The following BAG4 variants were observed in gnomAD, a reference collection of about 807,000 sequenced individuals.
The protein encoded by BAG4 is BAG family molecular chaperone regulator 4.
Under a neutral mutation model 52.1 loss-of-function variants are expected in BAG4, and 28 were observed. The observed-to-expected ratio is 0.54, with a 90% CI of 0.40 to 0.74. The LOEUF (loss-of-function observed/expected upper bound fraction) is 0.74, where lower values mean the gene tolerates loss of function less well. Ranked by LOEUF, BAG4 falls within the 30% of genes least tolerant of loss-of-function variation. The pLI is 0.00. For synonymous variants in BAG4, 208 were observed against 217.0 expected (o/e 0.96, Z 0.37); for missense variants, 525 against 572.0 (o/e 0.92, Z 0.84).
At chr8:38,177,274 T>G in intron 1 of BAG4, 135 bp downstream of exon 1, 1 of 1,212,624 alleles carries the variant, frequency 8.2e-7, no homozygotes, top group Non-Finnish European at 1.1e-6. Flanking sequence ...AGACCGAGAC[T>G]AAGATCAGAG....
At chr8:38,192,141 CT>C (rs1049542836) in intron 1 of BAG4, among the ~76,000 whole-genome samples, 2 of 152,170 alleles carry the variant, frequency 1.3e-5, no homozygotes, top group Non-Finnish European at 2.9e-5. Context: ...GTAGTAATGT[CT>C]TTGTGTTCCA....
chr8:38,191,039 G>A (rs553346638), intron 1 of BAG4, among the ~76,000 whole-genome samples: 8 of 152,178 alleles, frequency 5.3e-5, no homozygotes, highest in South Asian at 2.1e-4. Flanking sequence ...GATTACAGGC[G>A]TGAGCCACTG....
rs1803883892 is a variant in BAG4 at position 38,212,671 on chromosome 8, T to C, written c.*2178T>C. 1.3e-5 allele frequency: 2 copies of C among 152,218 alleles called. No individual in the cohort carries two copies. Among genetic ancestry groups the C allele is most frequent in the Admixed American group, 1.3e-4 (2 of 15,284 alleles). 9.4% of individuals were successfully genotyped at this position (152,218 alleles called of 1,614,324 possible). On this transcript the variant is annotated 3_prime_UTR_variant, in exon 5 of 5. Transcript: ENST00000287322. ...GTATCATAACAGGGGATACCTGATG[T>C]TGTAATGTATTTCTGGTGTTGTTAA...
At position 38,210,138 on chromosome 8, in the gene BAG4, A is replaced by G. The variant is rs764510085; in HGVS notation, c.1019A>G (p.Gln340Arg). The G allele has an allele frequency of 1.3e-5, 21 of 1,614,178 alleles. No individual in the cohort carries two copies. Among genetic ancestry groups the G allele is most frequent in the Admixed American group, 1.7e-5 (1 of 59,996 alleles). The change falls in exon 5 of 5, where the codon CAG becomes CGG. Residue 340 changes from glutamine to arginine, a missense_variant. Around this residue, in one of 2 missense-constraint regions of BAG4, gnomAD observed 238 missense variants for 305.8 expected, o/e 0.78. Transcript: ENST00000287322. ...TCAGATCTTTTGGATTCCCAAGTCC[A>G]GTATAGTGCTGAGCCTCAGCTGTAT... Reference protein sequence around the residue: ...DDSDLLDSQVQYSAEPQLYGN... With the variant: ...DDSDLLDSQVRYSAEPQLYGN...
rs1363665687 is a variant in BAG4, at chr8:38,177,074, G to A, written c.205G>A (p.Gly69Ser). The A allele has an allele frequency of 8.7e-6, 14 of 1,612,176 alleles. No individual in the cohort carries two copies. Among genetic ancestry groups the A allele is most frequent in the Non-Finnish European group, 1.2e-5 (14 of 1,179,662 alleles). Reference protein sequence around the residue: ...ETTWLGEGGGGDGYYPSGGAW... With the variant: ...ETTWLGEGGGSDGYYPSGGAW... ...CACCTGGCTGGGAGAAGGCGGAGGA[G>A]GCGATGGCTACTATCCCTCGGGAGG... Residue 69 changes from glycine (G) to serine (S), a missense_variant, in exon 1 of 5, where the codon GGC (glycine) becomes AGC (serine). Gly to Ser is a moderately conservative substitution (Grantham distance 56). Transcript: ENST00000287322.
intron 2 of BAG4, among the ~76,000 whole-genome samples, chr8:38,197,504 A>G (rs1013964480): frequency 6.6e-6 from 1 of 152,236 alleles, no homozygotes; most frequent in Non-Finnish European, 1.5e-5. Context: ...GGCATTTGCC[A>G]TGAATGGAAC....
rs765793594 is a variant in BAG4 at position 38,177,035 on chromosome 8, G to A, written c.166G>A (p.Gly56Ser). ...CATTTCCTGGCGGGTGCGCGGGGGC[G>A]GCCCGGCGGAGACCACCTGGCTGGG... ...PPISWRVRGG[G>S]PAETTWLGEG... is the part of the protein sequence containing the mutation. The change falls in exon 1 of 5, where the codon GGC becomes AGC. Residue 56 changes from glycine to serine, a missense_variant. Around this residue, in one of 2 missense-constraint regions of BAG4, gnomAD observed 287 missense variants for 266.1 expected, o/e 1.08. Transcript: ENST00000287322. 6.9e-6 allele frequency: 11 copies of A among 1,605,010 alleles called. No homozygotes were observed. The highest frequency in any genetic ancestry group is 1.3e-5 in the African/African-American group (1 of 74,950).
intron 2 of BAG4, among the ~76,000 whole-genome samples, chr8:38,205,728 A>G (rs11779210): frequency 3.0e-4 from 46 of 151,980 alleles, no homozygotes; most frequent in Admixed American, 9.8e-4. Context: ...CTCATCCTGC[A>G]TGGAATTCTT....
intron 1 of BAG4, among the ~76,000 whole-genome samples, chr8:38,190,063 G>A (rs1029998665): frequency 7.2e-5 from 11 of 152,166 alleles, no homozygotes; most frequent in Non-Finnish European, 1.2e-4. Context: ...GGGATTACAG[G>A]TGTGAGCCGC....
chr8:38,198,113 G>A (rs1456969982), intron 2 of BAG4, among the ~76,000 whole-genome samples: 4 of 151,860 alleles, frequency 2.6e-5, no homozygotes, highest in South Asian at 2.1e-4. Context: ...GGCCGGGCGC[G>A]GTGGCTCACT....
chr8:38,180,545 A>AAAAAAAAAAAAAAAAAT, intron 1 of BAG4, among the ~76,000 whole-genome samples: 1 of 151,446 alleles, frequency 6.6e-6, no homozygotes, highest in Non-Finnish European at 1.5e-5. Context: ...AAAAAAAAAA[A>AAAAAAAAAAAAAAAAAT]AAAGATATGC....
intron 1 of BAG4, 113 bp downstream of exon 1, chr8:38,177,252 G>A (rs569136524): frequency 1.1e-5 from 16 of 1,436,918 alleles, no homozygotes; most frequent in African/African-American, 1.4e-5. Context: ...TGTGTTGCGG[G>A]GGGTGTTGGA....
intron 1 of BAG4, among the ~76,000 whole-genome samples, chr8:38,182,899 A>C (rs922943228): frequency 6.6e-6 from 1 of 152,070 alleles, no homozygotes; most frequent in Non-Finnish European, 1.5e-5. Flanking sequence ...TTTTTCATTA[A>C]AAAAATTATG....
chr8:38,208,944 T>C, intron 3 of BAG4, 69 bp from the exon 4 acceptor site: 1 of 1,522,952 alleles, frequency 6.6e-7, no homozygotes, highest in Non-Finnish European at 8.9e-7. Context: ...TCTCAGAATC[T>C]GCCTGTAGCA....
intron 1 of BAG4, 70 bp from the exon 2 acceptor site, chr8:38,192,612 ACCTGCC>A (rs1803494886): frequency 6.7e-6 from 8 of 1,190,910 alleles, no homozygotes; most frequent in Non-Finnish European, 9.4e-6. Flanking sequence ...AATCCTTATA[ACCTGCC>A]TCTATCAATC....
intron 2 of BAG4, among the ~76,000 whole-genome samples, chr8:38,194,016 C>T (rs957950179): frequency 3.3e-5 from 5 of 152,026 alleles, no homozygotes; most frequent in Admixed American, 2.0e-4. Flanking sequence ...GGATTATAGG[C>T]GTGAGCCACC....
rs1307957079 is a variant in BAG4, at chr8:38,212,260, A to G, written c.*1767A>G. On this transcript the variant is annotated 3_prime_UTR_variant, in exon 5 of 5. Coordinates refer to ENST00000287322, the MANE Select transcript of BAG4 (RefSeq NM_004874.4). Reference sequence around the variant, plus strand: ...AAGACAATGAATAATTCAGAAGAGAACACTATTCTTTTACTGACTGAGTGC... The same window carrying G: ...AAGACAATGAATAATTCAGAAGAGAGCACTATTCTTTTACTGACTGAGTGC... 6.6e-6 allele frequency: 1 copy of G among 152,202 alleles called. No homozygotes were observed. Among genetic ancestry groups the G allele is most frequent in the Non-Finnish European group, 1.5e-5 (1 of 68,018 alleles). The allele number at this position is 152,202 out of a possible 1,614,324, so 9.4% of individuals were successfully genotyped here.
At chr8:38,200,577 A>G (rs1175343182) in intron 2 of BAG4, among the ~76,000 whole-genome samples, 1 of 152,150 alleles carries the variant, frequency 6.6e-6, no homozygotes, top group East Asian at 1.9e-4. Context: ...ACTTATGTAA[A>G]AAAGGCAGCT....
At chr8:38,178,164 T>C (rs1234463552) in intron 1 of BAG4, among the ~76,000 whole-genome samples, 2 of 151,766 alleles carry the variant, frequency 1.3e-5, no homozygotes, top group South Asian at 2.1e-4. Flanking sequence ...TTTTTGTTTT[T>C]TTTTTTTTTG....
Sources: gnomAD v4.1 joint callset for allele counts (sites outside exome capture counted in the v4.1 genomes callset) on GRCh38, gnomAD v4.1.1 for gene constraint, gnomAD v4.1.1 regional missense constraint, MANE v1.5 for transcripts, NCBI Gene and HGNC (gene_info 2026-07-23, HGNC 2026-07-21) for gene names.